SLC2A12: variants seen among roughly 807,000 people sequenced by gnomAD.
SLC2A12 encodes the protein solute carrier family 2, facilitated glucose transporter member 12.
Under a neutral mutation model 41.8 loss-of-function variants are expected in SLC2A12, and 23 were observed. That is an observed-to-expected ratio of 0.55 (90% CI 0.40 to 0.78). The LOEUF (loss-of-function observed/expected upper bound fraction) is 0.78, where lower values mean the gene tolerates loss of function less well. SLC2A12 is among the 30% of genes least tolerant of loss of function. SLC2A12 has a pLI of 0.00. For synonymous variants in SLC2A12, 295 were observed against 285.9 expected, an observed-to-expected ratio of 1.03 and a Z score of -0.32; for missense variants, 654 against 745.6, an observed-to-expected ratio of 0.88 and a Z score of 1.43.
At chr6:134,051,011 T>G (rs544825907) in intron 1 of SLC2A12, among the ~76,000 whole-genome samples, 2 of 152,162 alleles carry the variant, frequency 1.3e-5, no homozygotes, top group Non-Finnish European at 2.9e-5. Context: ...CACTGTAACC[T>G]CCAAGTGATT....
At chr6:134,032,451 TA>T (rs1562201705) in intron 1 of SLC2A12, among the ~76,000 whole-genome samples, 2 of 34,262 alleles carry the variant, frequency 5.8e-5, no homozygotes, top group African/African-American at 1.3e-4. Flanking sequence ...TATATATAAA[TA>T]TATATATATA....
chr6:134,032,469 T>TAA (rs1777231558), intron 1 of SLC2A12, among the ~76,000 whole-genome samples: 1 of 33,558 alleles, frequency 3.0e-5, no homozygotes, highest in Non-Finnish European at 5.9e-5. Flanking sequence ...TATATATTTT[T>TAA]ATATATATAT....
chr6:134,019,125 A>G (rs952925977), intron 2 of SLC2A12, among the ~76,000 whole-genome samples: 5 of 152,224 alleles, frequency 3.3e-5, no homozygotes, highest in African/African-American at 1.2e-4. Context: ...GTGAAAACTT[A>G]TTCATCATGA....
At chr6:134,046,645 AT>A (rs201262403) in intron 1 of SLC2A12, among the ~76,000 whole-genome samples, 4 of 151,744 alleles carry the variant, frequency 2.6e-5, no homozygotes, top group Non-Finnish European at 5.9e-5. Context: ...CTAAAAAAAA[AT>A]ATATATATAC....
At chr6:134,000,650 C>T (rs1582597500) in intron 4 of SLC2A12, among the ~76,000 whole-genome samples, 1 of 152,170 alleles carries the variant, frequency 6.6e-6, no homozygotes, top group Non-Finnish European at 1.5e-5. Flanking sequence ...CTGCTTCATT[C>T]TTAGCCCCTA....
In SLC2A12 at chr6:134,011,705, C is replaced by T. The variant is rs1011031290; in HGVS notation, c.1445-4771G>A. Among the ~76,000 whole-genome samples, 3 of 151,854 alleles carry T rather than the reference C, an allele frequency of 2.0e-5. No homozygotes were observed. In the East Asian group the frequency reaches 5.8e-4, roughly 29 times the overall value. On this transcript the variant is annotated intron_variant, in intron 2 of 4. Coordinates refer to ENST00000275230, the MANE Select transcript of SLC2A12 (RefSeq NM_145176.3). Reference sequence around the variant, plus strand: ...CATGATCACGCCACTGCACTACAGCCCAAGTGTCAGAGTGAGACCCTGTCT... The same window carrying T: ...CATGATCACGCCACTGCACTACAGCTCAAGTGTCAGAGTGAGACCCTGTCT...
chr6:134,022,533 AAAAAG>A (rs10689126), intron 2 of SLC2A12, among the ~76,000 whole-genome samples: 21,287 of 141,544 alleles, frequency 0.15, 1,740 homozygotes, highest in Non-Finnish European at 0.17. Flanking sequence ...CTCCATCTCA[AAAAAG>A]AAAAGAAAAG....
chr6:133,990,963 A>C lies in SLC2A12; in HGVS notation c.*192T>G. The C allele has an allele frequency of 3.4e-6, 2 of 595,772 alleles. No individual in the cohort carries two copies. The highest frequency in any genetic ancestry group is 2.8e-6 in the Non-Finnish European group (1 of 354,126). 36.9% of individuals were successfully genotyped at this position (595,772 alleles called of 1,614,324 possible). A position where few individuals can be genotyped will look rare whatever the true frequency, so the allele number is the denominator to read the frequency against. ...AAAAAGAGATCACTTAGGACCTTGT[A>C]CCTCATCTACCTTTTGAGGTTCCTT... On this transcript the variant is annotated 3_prime_UTR_variant, in exon 5 of 5. Transcript: ENST00000275230.
chr6:134,009,552 A>G (rs968753877), intron 2 of SLC2A12, among the ~76,000 whole-genome samples: 1 of 152,066 alleles, frequency 6.6e-6, no homozygotes, highest in Admixed American at 6.5e-5. Flanking sequence ...AAAAATAAGA[A>G]TATTGAGCCT....
In SLC2A12 at chr6:134,024,878, T is replaced by G. The variant is rs912247604; in HGVS notation, c.1444+3503A>C. ...GAGAGAAAGAAACTTCTAATTTGTT[T>G]AAGCCATTGTTATTTTGGGCCTTGT... On this transcript the variant is annotated intron_variant, in intron 2 of 4. Coordinates refer to ENST00000275230, the MANE Select transcript of SLC2A12 (RefSeq NM_145176.3). 1.0e-4 allele frequency among the ~76,000 whole-genome samples: 16 copies of G among 152,400 alleles called. No homozygotes were observed. In the Middle Eastern group the frequency reaches 0.014, roughly 130 times the overall value.
rs1776612661 is a variant in SLC2A12, at chr6:133,990,913, T to C, written c.*242A>G. On this transcript the variant is annotated 3_prime_UTR_variant, in exon 5 of 5. Transcript: ENST00000275230. ...GTATTAAACCAGCCAGTAACTTTTTTTTTTTAACCTGATATCCTGCTCAGA... is the reference window on the plus strand; with the variant it reads ...GTATTAAACCAGCCAGTAACTTTTTCTTTTTAACCTGATATCCTGCTCAGA... 1 of 390,474 alleles carries C rather than the reference T, an allele frequency of 2.6e-6. No homozygotes were observed. Among genetic ancestry groups the C allele is most frequent in the Non-Finnish European group, 4.5e-6 (1 of 222,184 alleles). The allele number at this position is 390,474 out of a possible 1,614,324, so 24.2% of individuals were successfully genotyped here. A position where few individuals can be genotyped will look rare whatever the true frequency, so the allele number is the denominator to read the frequency against.
At chr6:134,051,170 C>T (rs1304725558) in intron 1 of SLC2A12, among the ~76,000 whole-genome samples, 2 of 152,104 alleles carry the variant, frequency 1.3e-5, no homozygotes, top group Admixed American at 6.5e-5. Flanking sequence ...AAGTGATCTG[C>T]CCACCTTGGC....
At chr6:134,048,204 C>T (rs535585176) in intron 1 of SLC2A12, among the ~76,000 whole-genome samples, 4 of 152,286 alleles carry the variant, frequency 2.6e-5, no homozygotes, top group South Asian at 2.1e-4. Context: ...CACAGAGATA[C>T]GCTGACTGGA....
chr6:134,030,153 G>A (rs185361803), intron 1 of SLC2A12, among the ~76,000 whole-genome samples: 1 of 152,260 alleles, frequency 6.6e-6, no homozygotes, highest in East Asian at 1.9e-4. Flanking sequence ...GGAGAGAGAG[G>A]ATAGGAGCCT....
intron 1 of SLC2A12, among the ~76,000 whole-genome samples, chr6:134,042,995 A>T (rs191661380): frequency 1.5e-3 from 232 of 150,206 alleles, no homozygotes; most frequent in Non-Finnish European, 2.8e-3. Context: ...ACAAAACAAA[A>T]CAAAAACCAA....
intron 1 of SLC2A12, among the ~76,000 whole-genome samples, chr6:134,036,115 C>T (rs1296932493): frequency 6.6e-6 from 1 of 152,214 alleles, no homozygotes; most frequent in Middle Eastern, 3.2e-3. Flanking sequence ...TAAACACTTG[C>T]CAGCTGACTA....
chr6:134,000,351 T>C (rs753471849), intron 4 of SLC2A12, among the ~76,000 whole-genome samples: 8 of 152,302 alleles, frequency 5.3e-5, no homozygotes, highest in Non-Finnish European at 8.8e-5. Flanking sequence ...CTACTTACTA[T>C]ACCCCCAATA....
chr6:134,024,620 A>G (rs1248481673), intron 2 of SLC2A12, among the ~76,000 whole-genome samples: 1 of 152,194 alleles, frequency 6.6e-6, no homozygotes, highest in Non-Finnish European at 1.5e-5. Flanking sequence ...AGTTGACTGC[A>G]CTCGTGCATT....
At chr6:134,045,359 A>AAGG (rs1777443433) in intron 1 of SLC2A12, among the ~76,000 whole-genome samples, 1 of 152,186 alleles carries the variant, frequency 6.6e-6, no homozygotes, top group African/African-American at 2.4e-5. Context: ...TTAGGAAAGT[A>AAGG]AGGTTCAGAT....
Sources: gnomAD v4.1 joint callset for allele counts (sites outside exome capture counted in the v4.1 genomes callset) on GRCh38, gnomAD v4.1.1 for gene constraint, MANE v1.5 for transcripts, NCBI Gene and HGNC (gene_info 2026-07-23, HGNC 2026-07-21) for gene names.